IMMP2L: variants seen among roughly 807,000 people sequenced by gnomAD.
The protein encoded by IMMP2L is inner mitochondrial membrane peptidase subunit 2, also known as mitochondrial inner membrane protease subunit 2.
In IMMP2L, 18 loss-of-function variants were observed where a neutral mutation model predicts 19.3. The observed-to-expected ratio is 0.93, with a 90% confidence interval of 0.64 to 1.38. The LOEUF (loss-of-function observed/expected upper bound fraction) is 1.38, where lower values mean the gene tolerates loss of function less well. Ranked by LOEUF, IMMP2L falls within the 40% of genes most tolerant of loss-of-function variation. The pLI, the probability that IMMP2L is intolerant of heterozygous loss-of-function variation, is 0.00. For missense variants in IMMP2L, 233 were observed against 218.2 expected (o/e 1.07, Z -0.43); for synonymous variants, 76 against 73.0 (o/e 1.04, Z -0.21).
chr7:110,970,634 A>C (rs751889050), intron 3 of IMMP2L, among the ~76,000 whole-genome samples: 18 of 152,104 alleles, frequency 1.2e-4, no homozygotes, highest in Non-Finnish European at 2.4e-4. Flanking sequence ...TTACATACTG[A>C]CTACTCTTTC....
chr7:110,697,588 G>A (rs1793981717), intron 5 of IMMP2L, among the ~76,000 whole-genome samples: 1 of 152,080 alleles, frequency 6.6e-6, no homozygotes, highest in Non-Finnish European at 1.5e-5. Flanking sequence ...AGGATTACTT[G>A]AGCCAGGAGT....
In IMMP2L at chr7:110,877,743, G is replaced by A. The variant is rs1181186554; in HGVS notation, c.408+8850C>T. On this transcript the variant is annotated intron_variant, in intron 5 of 5. Transcript: ENST00000405709. This position sits in a 1 kb window ranked among gnomAD's most constrained non-coding sequence, Gnocchi z 4.0. ...ACATCACAAGTTTTACAAAAATTAAGTTTATTAAAGAACACATGGGTCCCT... is the reference window on the plus strand; with the variant it reads ...ACATCACAAGTTTTACAAAAATTAAATTTATTAAAGAACACATGGGTCCCT... Among the ~76,000 whole-genome samples the A allele has an allele frequency of 6.6e-6, 1 of 152,044 alleles. No homozygotes were observed. Among genetic ancestry groups the A allele is most frequent in the East Asian group, 1.9e-4 (1 of 5,172 alleles).
intron 5 of IMMP2L, among the ~76,000 whole-genome samples, chr7:110,673,089 C>A (rs1052412602): frequency 3.9e-5 from 6 of 152,234 alleles, no homozygotes; most frequent in African/African-American, 1.4e-4. Context: ...GCAGCAGACT[C>A]CTTCCTGGAC....
In IMMP2L at chr7:110,886,669, A is replaced by T. The variant is rs377689475; in HGVS notation, c.332T>A (p.Val111Asp). Residue 111 changes from valine (V) to aspartate (D), a missense_variant, in exon 5 of 6, where the codon GTC becomes GAC. By Grantham distance (152) the Val-to-Asp change is radical (BLOSUM62 -3). Transcript: ENST00000405709. ...VRTIGHKNRYVKVPRGHIWVE... is the reference protein window; with the variant it reads ...VRTIGHKNRYDKVPRGHIWVE... ...CCAGATGTGACCACGGGGGACTTTG[A>T]CATACCGGTTTTTGTGTCCTATGGT... 6.2e-7 allele frequency: 1 copy of T among 1,601,314 alleles called. No homozygotes were observed. Among genetic ancestry groups the T allele is most frequent in the Non-Finnish European group, 8.6e-7 (1 of 1,168,742 alleles).
At chr7:111,135,611 T>A (rs1459349235) in intron 3 of IMMP2L, among the ~76,000 whole-genome samples, 1 of 152,224 alleles carries the variant, frequency 6.6e-6, no homozygotes, top group Non-Finnish European at 1.5e-5. Context: ...ATTACCATCA[T>A]GATGCCACAT....
At chr7:110,795,142 A>G (rs1473994515) in intron 5 of IMMP2L, among the ~76,000 whole-genome samples, 1 of 152,162 alleles carries the variant, frequency 6.6e-6, no homozygotes, top group African/African-American at 2.4e-5. Context: ...GTTGAAGACA[A>G]ACATTGCAAA....
chr7:110,663,698 G>T lies in IMMP2L; in HGVS notation c.432C>A (p.Ala144=). The change falls in exon 6 of 6, where the codon GCC becomes GCA. Residue 144 remains alanine, a synonymous_variant. Coordinates refer to ENST00000405709, the MANE Select transcript of IMMP2L (RefSeq NM_032549.4). ...FGPVSLGLLH[A]HATHILWPPE... Reference sequence around the variant, plus strand: ...GGGGCCACAGGATATGTGTGGCATGGGCATGCAGAAGTCCTAGGGAAACCT... The same window carrying T: ...GGGGCCACAGGATATGTGTGGCATGTGCATGCAGAAGTCCTAGGGAAACCT... 1 of 1,599,208 alleles carries T rather than the reference G, an allele frequency of 6.3e-7. No individual in the cohort carries two copies. Among genetic ancestry groups the T allele is most frequent in the Admixed American group, 1.7e-5 (1 of 57,328 alleles).
At chr7:110,968,477 A>G (rs949216079) in intron 3 of IMMP2L, among the ~76,000 whole-genome samples, 1 of 152,096 alleles carries the variant, frequency 6.6e-6, no homozygotes, top group Non-Finnish European at 1.5e-5. Flanking sequence ...GTTCGAGACC[A>G]GCCTTGGGCA....
At chr7:111,263,405 C>T (rs1033482987) in intron 3 of IMMP2L, among the ~76,000 whole-genome samples, 1 of 151,962 alleles carries the variant, frequency 6.6e-6, no homozygotes, top group Non-Finnish European at 1.5e-5. Flanking sequence ...AGTTTTATGC[C>T]CTGAGCATGT....
chr7:110,913,610 A>T (rs918402371), intron 4 of IMMP2L, among the ~76,000 whole-genome samples: 6 of 152,188 alleles, frequency 3.9e-5, no homozygotes, highest in Non-Finnish European at 1.5e-5. Flanking sequence ...ATAAAAATTT[A>T]AAAATGTGCA....
At chr7:110,694,058 C>T (rs185240437) in intron 5 of IMMP2L, among the ~76,000 whole-genome samples, 134 of 152,248 alleles carry the variant, frequency 8.8e-4, no homozygotes, top group African/African-American at 3.1e-3. Flanking sequence ...ACTACCATTT[C>T]TGATGACTTG....
intron 4 of IMMP2L, among the ~76,000 whole-genome samples, chr7:110,909,910 G>GAGAGAGAGAGAC (rs1554455728): frequency 6.7e-6 from 1 of 149,572 alleles, no homozygotes; most frequent in African/African-American, 2.5e-5. Context: ...GAGAGAGAAA[G>GAGAGAGAGAGAC]AGAGAGAGAG....
intron 5 of IMMP2L, among the ~76,000 whole-genome samples, chr7:110,817,902 C>T (rs1474336941): frequency 6.6e-6 from 1 of 152,124 alleles, no homozygotes; most frequent in African/African-American, 2.4e-5. Flanking sequence ...CGAAAACTGG[C>T]TAGCTGTATG....
intron 5 of IMMP2L, among the ~76,000 whole-genome samples, chr7:110,828,302 A>G (rs1326004443): frequency 6.6e-6 from 1 of 152,186 alleles, no homozygotes; most frequent in Non-Finnish European, 1.5e-5. Context: ...TGACTCCTGC[A>G]CTAAGCCATC....
intron 3 of IMMP2L, among the ~76,000 whole-genome samples, chr7:111,486,923 G>T (rs748799830): frequency 1.1e-4 from 16 of 152,004 alleles, no homozygotes; most frequent in Non-Finnish European, 1.9e-4. Context: ...CAAAAAAGTT[G>T]CTTACCAAGA....
chr7:111,479,071 T>G (rs1360254586), intron 3 of IMMP2L, among the ~76,000 whole-genome samples: 2 of 152,154 alleles, frequency 1.3e-5, no homozygotes, highest in African/African-American at 4.8e-5. Context: ...ATGAAAAGCT[T>G]AGAGTGTTTT....
intron 1 of IMMP2L, among the ~76,000 whole-genome samples, chr7:111,542,621 G>T (rs563032910): frequency 2.0e-5 from 3 of 152,092 alleles, no homozygotes; most frequent in Non-Finnish European, 4.4e-5. Context: ...CACAGGGCAC[G>T]ATGAGTTATT....
At position 111,417,575 on chromosome 7, in the gene IMMP2L, C is replaced by T. The variant is rs999324209; in HGVS notation, c.239+69663G>A. 9.9e-5 allele frequency among the ~76,000 whole-genome samples: 15 copies of T among 151,726 alleles called. 1 individual carries two copies. The highest frequency in any genetic ancestry group is 3.2e-4 in the African/African-American group (13 of 41,070). On this transcript the variant is annotated intron_variant, in intron 3 of 5. Transcript: ENST00000405709. The stretch of plus-strand genomic sequence containing the variant: ...CGTAGTCAGAGGTCTATGAAGACCC[C>T]TCAATGTGTAACCTCTGTCACGAAT...
intron 3 of IMMP2L, among the ~76,000 whole-genome samples, chr7:111,249,787 A>T (rs1279880295): frequency 6.6e-6 from 1 of 152,182 alleles, no homozygotes; most frequent in Non-Finnish European, 1.5e-5. Context: ...CATATATGAT[A>T]AATCCACAGC....
Sources: allele counts gnomAD v4.1 joint callset (sites outside exome capture counted in the v4.1 genomes callset), GRCh38; gene constraint gnomAD v4.1.1; non-coding constraint Gnocchi (gnomAD v3.1); transcripts MANE v1.5; gene names NCBI Gene and HGNC (gene_info 2026-07-23, HGNC 2026-07-21).